OTUD7A: variants seen among roughly 807,000 people sequenced by gnomAD.
The protein encoded by OTUD7A is OTU deubiquitinase 7A, also known as OTU domain-containing protein 7A.
OTUD7A carries 12 observed loss-of-function variants against 65.7 expected under a neutral mutation model. The ratio of observed to expected loss-of-function variants is 0.18; its 90% CI spans 0.12 to 0.30. The LOEUF (loss-of-function observed/expected upper bound fraction) is 0.30. OTUD7A is among the 10% of genes least tolerant of loss of function. The pLI is 1.00. For missense variants in OTUD7A, 1,148 were observed against 1,304.8 expected, an observed-to-expected ratio of 0.88 and a Z score of 1.85; for synonymous variants, 641 against 586.3, an observed-to-expected ratio of 1.09 and a Z score of -1.35.
chr15:31,740,903 C>T (rs1285397209), intron 1 of OTUD7A, among the ~76,000 whole-genome samples: 1 of 152,138 alleles, frequency 6.6e-6, no homozygotes, highest in Non-Finnish European at 1.5e-5. Flanking sequence ...TAATAACAGA[C>T]AGAATAGACT....
chr15:31,667,908 G>GT lies in OTUD7A; in HGVS notation c.-99-10832dup, dbSNP rs1326260745. Among the ~76,000 whole-genome samples the GT allele has an allele frequency of 2.6e-5, 4 of 152,216 alleles. No individual in the cohort carries two copies. The East Asian group carries it at 5.8e-4, about 22-fold the overall frequency. ...ATCTTTCTATCATATATGATGCTTAGTTTTGCTGCATACAAAATTCTTAGC... is the reference window on the plus strand; with the variant it reads ...ATCTTTCTATCATATATGATGCTTAGTTTTTGCTGCATACAAAATTCTTAGC... On this transcript the variant is annotated intron_variant, in intron 1 of 12. Transcript: ENST00000307050.
chr15:31,665,926 G>A (rs1892306921), intron 1 of OTUD7A, among the ~76,000 whole-genome samples: 1 of 152,006 alleles, frequency 6.6e-6, no homozygotes, highest in African/African-American at 2.4e-5. Context: ...CGTGATTTTT[G>A]TTCCAAATTC....
chr15:31,765,890 T>C, intron 1 of OTUD7A: 3 of 1,279,078 alleles, frequency 2.3e-6, no homozygotes, highest in East Asian at 2.3e-5. Context: ...GAAACTATTT[T>C]AGTTTTTTTC....
chr15:31,477,954 A>T lies in OTUD7A; in HGVS notation c.*5340T>A, dbSNP rs1228525639. 2.0e-5 allele frequency: 3 copies of T among 152,320 alleles called. No homozygotes were observed. Among genetic ancestry groups the T allele is most frequent in the Non-Finnish European group, 2.9e-5 (2 of 68,116 alleles). The allele number at this position is 152,320 out of a possible 1,614,324, so 9.4% of individuals were successfully genotyped here. The stretch of plus-strand genomic sequence containing the variant: ...AGGGAAGGCCTCGTTGAAAGGTGAC[A>T]TTGGAGCAAAGACTGGCAGGTAGTG... On this transcript the variant is annotated 3_prime_UTR_variant, in exon 13 of 13. Transcript: ENST00000307050.
intron 3 of OTUD7A, among the ~76,000 whole-genome samples, chr15:31,606,914 T>C (rs141112096): frequency 6.6e-6 from 1 of 152,230 alleles, no homozygotes; most frequent in Non-Finnish European, 1.5e-5. Context: ...ATTCCAGCAA[T>C]GAAGTAAGTG....
intron 3 of OTUD7A, among the ~76,000 whole-genome samples, chr15:31,632,324 G>A (rs1402435404): frequency 6.6e-6 from 1 of 152,242 alleles, no homozygotes; most frequent in African/African-American, 2.4e-5. Flanking sequence ...ACCCTCAGCT[G>A]CAGGTCTGTT....
intron 1 of OTUD7A, among the ~76,000 whole-genome samples, chr15:31,806,912 G>A (rs1437446379): frequency 6.6e-6 from 1 of 152,166 alleles, no homozygotes; most frequent in Admixed American, 6.5e-5. Flanking sequence ...GACACATAGT[G>A]CCCTGACACT....
At chr15:31,668,808 G>A (rs1413683967) in intron 1 of OTUD7A, among the ~76,000 whole-genome samples, 1 of 152,202 alleles carries the variant, frequency 6.6e-6, no homozygotes, top group Non-Finnish European at 1.5e-5. Context: ...TAGGGCTGCA[G>A]GCTGTTGTTC....
chr15:31,713,347 G>A (rs1184599487), intron 1 of OTUD7A, among the ~76,000 whole-genome samples: 2 of 152,158 alleles, frequency 1.3e-5, no homozygotes, highest in Admixed American at 6.5e-5. Context: ...CGCTGGGCAC[G>A]GTGGCTCACA....
chr15:31,486,218 T>A (rs2041234989), intron 12 of OTUD7A, among the ~76,000 whole-genome samples: 1 of 152,170 alleles, frequency 6.6e-6, no homozygotes, highest in Non-Finnish European at 1.5e-5. Flanking sequence ...ATGTGGGTGC[T>A]GAAGAAGAAC....
Position 31,651,572 on chromosome 15 carries a change from A to AACACAC in OTUD7A, c.151+3518_151+3523dup, listed in dbSNP as rs60554390. Among the ~76,000 whole-genome samples, 172 of 140,892 alleles carry AACACAC rather than the reference A, an allele frequency of 1.2e-3. 1 individual carries two copies. The highest frequency in any genetic ancestry group is 1.8e-3 in the Admixed American group (25 of 14,168). The allele number at this position is 140,892 out of a possible 152,430, so 92.4% of individuals were successfully genotyped here. A position where few individuals can be genotyped will look rare whatever the true frequency, so the allele number is the denominator to read the frequency against. On this transcript the variant is annotated intron_variant, in intron 3 of 12. Coordinates refer to ENST00000307050, the MANE Select transcript of OTUD7A (RefSeq NM_001382637.1). ...ATCACCTATGTAGAAAATCCCAAGG[A>AACACAC]ACACACACACACACACACACACACA...
intron 1 of OTUD7A, among the ~76,000 whole-genome samples, chr15:31,668,434 C>G (rs769381135): frequency 2.6e-5 from 4 of 152,116 alleles, no homozygotes; most frequent in Admixed American, 2.6e-4. Context: ...TTGTTCAATT[C>G]TATTGCTGAG....
chr15:31,635,561 A>G (rs966673624), intron 3 of OTUD7A, among the ~76,000 whole-genome samples: 1 of 152,214 alleles, frequency 6.6e-6, no homozygotes, highest in African/African-American at 2.4e-5. Context: ...TGGTGCTTCC[A>G]GGGAGGGTGT....
At chr15:31,489,705 A>C (rs556964028) in intron 10 of OTUD7A, among the ~76,000 whole-genome samples, 112 of 152,308 alleles carry the variant, frequency 7.4e-4, no homozygotes, top group African/African-American at 2.6e-3. Flanking sequence ...GTGTTAAGTC[A>C]CTGTGATTTT....
intron 3 of OTUD7A, among the ~76,000 whole-genome samples, chr15:31,640,921 T>C (rs7182046): frequency 0.33 from 50,386 of 152,036 alleles, 11,052 homozygotes; most frequent in African/African-American, 0.62. Context: ...AATGATAGTC[T>C]TCATGTTGAA....
intron 1 of OTUD7A, among the ~76,000 whole-genome samples, chr15:31,772,646 G>T (rs35996561): frequency 3.9e-5 from 6 of 152,180 alleles, no homozygotes; most frequent in Non-Finnish European, 7.3e-5. Flanking sequence ...CCCCCCAGCT[G>T]ATTTCAATGT....
intron 8 of OTUD7A, among the ~76,000 whole-genome samples, chr15:31,525,008 T>G (rs942854461): frequency 4.6e-5 from 7 of 152,128 alleles, no homozygotes; most frequent in African/African-American, 1.7e-4. Flanking sequence ...ACTCAGGAGA[T>G]GTGTATGTGA....
chr15:31,663,284 A>ACACACACAC (rs1453925947), intron 1 of OTUD7A, among the ~76,000 whole-genome samples: 13 of 97,016 alleles, frequency 1.3e-4, no homozygotes, highest in Admixed American at 4.0e-4. Context: ...CACACACACA[A>ACACACACAC]GTTTTTAAAA....
At chr15:31,659,179 G>A (rs535171084) in intron 1 of OTUD7A, among the ~76,000 whole-genome samples, 4 of 152,270 alleles carry the variant, frequency 2.6e-5, no homozygotes, top group South Asian at 2.1e-4. Context: ...GCAATAAAAC[G>A]GGTAGATGGA....
Sources: gnomAD v4.1 joint callset for allele counts (sites outside exome capture counted in the v4.1 genomes callset) on GRCh38, gnomAD v4.1.1 for gene constraint, MANE v1.5 for transcripts, NCBI Gene and HGNC (gene_info 2026-07-23, HGNC 2026-07-21) for gene names.